The following CMIP variants were observed in gnomAD, a reference collection of about 807,000 sequenced individuals.
CMIP encodes the protein c-Maf inducing protein.
In CMIP, 13 loss-of-function variants were observed where a neutral mutation model predicts 97.3. The observed-to-expected ratio is 0.13, with a 90% CI of 0.09 to 0.21. The LOEUF is 0.21. Among genes scored for constraint, CMIP ranks in the 10% least tolerant of loss-of-function variants. CMIP has a pLI of 1.00. For missense variants in CMIP, 847 were observed against 1,024.9 expected, an observed-to-expected ratio of 0.83 and a Z score of 2.37; for synonymous variants, 538 against 436.3, an observed-to-expected ratio of 1.23 and a Z score of -2.91.
At chr16:81,565,131 A>G (rs1393678012) in intron 1 of CMIP, among the ~76,000 whole-genome samples, 4 of 152,080 alleles carry the variant, frequency 2.6e-5, no homozygotes, top group Non-Finnish European at 4.4e-5. Flanking sequence ...ATGGCATGGT[A>G]ACCATGGCAT....
chr16:81,701,022 C>T (rs1427992691), intron 15 of CMIP, among the ~76,000 whole-genome samples: 1 of 151,970 alleles, frequency 6.6e-6, no homozygotes, highest in Middle Eastern at 3.4e-3. Flanking sequence ...CCATGGCATG[C>T]ACCTGTAGTT....
chr16:81,506,098 C>T (rs1448324514), intron 1 of CMIP, among the ~76,000 whole-genome samples: 1 of 152,236 alleles, frequency 6.6e-6, no homozygotes, highest in Non-Finnish European at 1.5e-5. Context: ...TGTCTCTATT[C>T]ATCCTCCTGC....
chr16:81,525,195 G>A (rs1162721275), intron 1 of CMIP, among the ~76,000 whole-genome samples: 1 of 151,978 alleles, frequency 6.6e-6, no homozygotes, highest in African/African-American at 2.4e-5. Flanking sequence ...CCAGGCTGGA[G>A]TGCAGTGGCA....
intron 10 of CMIP, among the ~76,000 whole-genome samples, chr16:81,682,221 C>T (rs1205359349): frequency 6.6e-6 from 1 of 151,478 alleles, no homozygotes; most frequent in Non-Finnish European, 1.5e-5. Flanking sequence ...AAAGCGTGAA[C>T]TGCAGTTATC....
intron 1 of CMIP, chr16:81,476,167 T>G (rs1211341116): frequency 2.6e-6 from 3 of 1,167,890 alleles, no homozygotes; most frequent in Non-Finnish European, 2.6e-6. Context: ...CCACTCAGTC[T>G]TGGCAGTGCG....
intron 10 of CMIP, among the ~76,000 whole-genome samples, chr16:81,680,028 T>G (rs1473860838): frequency 6.6e-6 from 1 of 152,186 alleles, no homozygotes; most frequent in African/African-American, 2.4e-5. Context: ...GAGACAGGCA[T>G]TTTCAGATGC....
At chr16:81,500,331 GTCCC>G (rs138241000) in intron 1 of CMIP, among the ~76,000 whole-genome samples, 489 of 29,758 alleles carry the variant, frequency 0.016, 7 homozygotes, top group African/African-American at 0.05. Context: ...GCCTCCCTCT[GTCCC>G]TCCCTCCCTC....
intron 11 of CMIP, among the ~76,000 whole-genome samples, chr16:81,692,208 G>A (rs1409311767): frequency 6.6e-6 from 1 of 152,172 alleles, no homozygotes; most frequent in Non-Finnish European, 1.5e-5. Flanking sequence ...CTCCTCTTCC[G>A]AGGGCGATAG....
At chr16:81,510,226 C>T (rs921962688) in intron 1 of CMIP, among the ~76,000 whole-genome samples, 3 of 152,068 alleles carry the variant, frequency 2.0e-5, no homozygotes, top group Non-Finnish European at 2.9e-5. Context: ...AGGGGGTGCT[C>T]GCTCCTCACA....
intron 1 of CMIP, among the ~76,000 whole-genome samples, chr16:81,554,457 C>T (rs1019051312): frequency 6.6e-6 from 1 of 152,202 alleles, no homozygotes; most frequent in Non-Finnish European, 1.5e-5. Context: ...AATAATCAAT[C>T]ACCACTCTTT....
intron 3 of CMIP, among the ~76,000 whole-genome samples, chr16:81,642,044 T>C (rs796656650): frequency 4.6e-5 from 7 of 152,374 alleles, no homozygotes; most frequent in African/African-American, 1.4e-4. Context: ...TGATTTAAAA[T>C]GTATTTATAC....
chr16:81,585,552 C>T (rs1028850997), intron 1 of CMIP, among the ~76,000 whole-genome samples: 3 of 152,164 alleles, frequency 2.0e-5, no homozygotes, highest in Admixed American at 6.5e-5. Flanking sequence ...ATTTCATATA[C>T]GTGGATCAAT....
At chr16:81,635,991 G>A (rs1035928136) in intron 3 of CMIP, among the ~76,000 whole-genome samples, 2 of 152,114 alleles carry the variant, frequency 1.3e-5, no homozygotes, top group Non-Finnish European at 2.9e-5. Context: ...GGGAGGGAGG[G>A]CCGTGGTAAG....
At chr16:81,692,491 G>T (rs1906202179) in intron 11 of CMIP, among the ~76,000 whole-genome samples, 2 of 152,382 alleles carry the variant, frequency 1.3e-5, no homozygotes, top group South Asian at 4.1e-4. Flanking sequence ...CTTTCAAGAG[G>T]TTGGAAGGAG....
In CMIP at chr16:81,445,333, A is replaced by G; in HGVS notation, c.92A>G (p.Glu31Gly). ...PLLGGDVSAPEGTKMGAVPCR... is the reference protein window; with the variant it reads ...PLLGGDVSAPGGTKMGAVPCR... ...CTGGGGGGCGACGTGTCGGCCCCCG[A>G]AGGCACGAAGATGGGCGCCGTGCCC... Residue 31 changes from glutamate (E) to glycine (G), a missense_variant, in exon 1 of 21, where the codon GAA becomes GGA. Physicochemically the swap from Glu to Gly is moderately conservative, Grantham distance 98. Coordinates refer to ENST00000537098, the MANE Select transcript of CMIP (RefSeq NM_198390.3). The G allele has an allele frequency of 6.3e-7, 1 of 1,593,904 alleles. No homozygotes were observed. The highest frequency in any genetic ancestry group is 8.5e-7 in the Non-Finnish European group (1 of 1,171,208).
At chr16:81,525,376 C>T (rs1372093471) in intron 1 of CMIP, among the ~76,000 whole-genome samples, 3 of 152,122 alleles carry the variant, frequency 2.0e-5, no homozygotes, top group Non-Finnish European at 4.4e-5. Context: ...CTCCTGACCT[C>T]AGGTGATCCG....
At chr16:81,613,753 C>T (rs1442070103) in intron 2 of CMIP, among the ~76,000 whole-genome samples, 1 of 152,158 alleles carries the variant, frequency 6.6e-6, no homozygotes, top group African/African-American at 2.4e-5. Context: ...CTTCGCTGAG[C>T]AGAATGGGTA....
At chr16:81,632,703 G>A (rs896225095) in intron 3 of CMIP, among the ~76,000 whole-genome samples, 2 of 152,198 alleles carry the variant, frequency 1.3e-5, no homozygotes, top group Admixed American at 6.5e-5. Flanking sequence ...ACACTCCAGG[G>A]ACCAGGGTGG....
chr16:81,462,874 C>T (rs1249584432), intron 1 of CMIP, among the ~76,000 whole-genome samples: 2 of 152,176 alleles, frequency 1.3e-5, no homozygotes, highest in African/African-American at 4.8e-5. Flanking sequence ...TGCCTCACCT[C>T]CCTGACCTGT....
Sources: gnomAD v4.1 joint callset for allele counts (sites outside exome capture counted in the v4.1 genomes callset) on GRCh38, gnomAD v4.1.1 for gene constraint, MANE v1.5 for transcripts, NCBI Gene and HGNC (gene_info 2026-07-23, HGNC 2026-07-21) for gene names.